The following POLR1B variants were observed in gnomAD, a reference collection of about 807,000 sequenced individuals.
POLR1B encodes DNA-directed RNA polymerase I subunit RPA2.
POLR1B carries 30 observed loss-of-function variants against 105.8 expected under a neutral mutation model. The ratio of observed to expected loss-of-function variants is 0.28; its 90% CI spans 0.21 to 0.38. The LOEUF (loss-of-function observed/expected upper bound fraction) is 0.38. Among genes scored for constraint, POLR1B ranks in the 10% least tolerant of loss-of-function variants. POLR1B has a pLI of 1.00. For synonymous variants in POLR1B, 485 were observed against 505.1 expected (o/e 0.96, Z 0.53); for missense variants, 976 against 1,435.8 (o/e 0.68, Z 5.17).
chr2:112,552,447 A>ATAC (rs1361830196), intron 6 of POLR1B, among the ~76,000 whole-genome samples, 198 bp from the exon 7 acceptor site: 2 of 152,230 alleles, frequency 1.3e-5, no homozygotes, highest in Admixed American at 6.5e-5. Context: ...AGCCAGCTCC[A>ATAC]TACTGGTGCT....
Position 112,572,894 on chromosome 2 carries a change from TTCTTAG to T in POLR1B, c.2271+140_2271+145del, listed in dbSNP as rs1404747705. 7.0e-4 allele frequency: 502 copies of T among 715,294 alleles called. 2 individuals are homozygous for T. Among genetic ancestry groups the T allele is most frequent in the Non-Finnish European group, 6.9e-5 (32 of 461,154 alleles). 44.3% of individuals were successfully genotyped at this position (715,294 alleles called of 1,614,324 possible). A position where few individuals can be genotyped will look rare whatever the true frequency, so the allele number is the denominator to read the frequency against. On this transcript the variant is annotated intron_variant, in intron 13 of 14. Coordinates refer to ENST00000263331, the MANE Select transcript of POLR1B (RefSeq NM_019014.6). ...ACGTGATGTTCTATTAAATGATTAG[TTCTTAG>T]TCTAAGTTGAAAGTGGGCAAGCCTT...
At chr2:112,555,408 G>C (rs1451174741) in intron 7 of POLR1B, among the ~76,000 whole-genome samples, 1 of 152,152 alleles carries the variant, frequency 6.6e-6, no homozygotes. Context: ...TGGGAGGCCG[G>C]GGTGGGAGGA....
chr2:112,560,662 G>A (rs6760906), intron 9 of POLR1B, among the ~76,000 whole-genome samples: 120,238 of 151,894 alleles, frequency 0.79, 47,848 homozygotes, highest in Middle Eastern at 0.88. Flanking sequence ...TAATATGTGT[G>A]CAGTAAAACT....
intron 9 of POLR1B, among the ~76,000 whole-genome samples, 190 bp downstream of exon 9, chr2:112,559,764 G>A (rs1683870714): frequency 6.6e-6 from 1 of 152,062 alleles, no homozygotes; most frequent in African/African-American, 2.4e-5. Flanking sequence ...CCGAGTAGCT[G>A]GAACTACAGG....
intron 9 of POLR1B, among the ~76,000 whole-genome samples, chr2:112,563,925 T>C (rs559881718): frequency 6.6e-6 from 1 of 151,956 alleles, no homozygotes; most frequent in Admixed American, 6.6e-5. Flanking sequence ...TTTTTTTTGC[T>C]CATCCTCTAA....
chr2:112,556,560 ATAGT>A (rs1443738501), intron 7 of POLR1B, among the ~76,000 whole-genome samples: 1 of 152,214 alleles, frequency 6.6e-6, no homozygotes, highest in Non-Finnish European at 1.5e-5. Flanking sequence ...TTCTGGAAGA[ATAGT>A]TAGGTCTTCC....
chr2:112,562,728 C>CTTT lies in POLR1B; in HGVS notation c.1613-1623_1613-1621dup, dbSNP rs70965010. 1.6e-4 allele frequency among the ~76,000 whole-genome samples: 19 copies of CTTT among 120,646 alleles called. 1 individual carries two copies. The highest frequency in any genetic ancestry group is 2.6e-4 in the South Asian group (1 of 3,776). 79.1% of individuals were successfully genotyped at this position (120,646 alleles called of 152,430 possible). On this transcript the variant is annotated intron_variant, in intron 9 of 14. Transcript: ENST00000263331. ...TGGCTTGTGACAATTTCTTTTTTTT[C>CTTT]TTTTTTTTTTTTTTTTTGCGACGGA...
chr2:112,549,618 T>C (rs1047081108), intron 4 of POLR1B, among the ~76,000 whole-genome samples: 2 of 151,782 alleles, frequency 1.3e-5, no homozygotes, highest in African/African-American at 4.8e-5. Flanking sequence ...ATTACATGCA[T>C]GAGCCACCGT....
intron 7 of POLR1B, 108 bp downstream of exon 7, chr2:112,552,924 T>C (rs1683450388): frequency 9.7e-7 from 1 of 1,034,690 alleles, no homozygotes. Context: ...AGTTTTGGCA[T>C]TTTGTGTGGT....
chr2:112,556,019 C>T (rs1683639896), intron 7 of POLR1B, among the ~76,000 whole-genome samples: 2 of 151,956 alleles, frequency 1.3e-5, no homozygotes, highest in Non-Finnish European at 2.9e-5. Context: ...AGGAAGTAGA[C>T]ATAGTTATGA....
At chr2:112,574,352 C>G (rs1024937942) in intron 14 of POLR1B, among the ~76,000 whole-genome samples, 6 of 152,086 alleles carry the variant, frequency 3.9e-5, no homozygotes, top group Non-Finnish European at 7.4e-5. Context: ...TTCAGATGAA[C>G]ATAATTCTGT....
At chr2:112,556,886 A>G (rs534005922) in intron 7 of POLR1B, among the ~76,000 whole-genome samples, 5 of 152,372 alleles carry the variant, frequency 3.3e-5, no homozygotes, top group African/African-American at 1.2e-4. Flanking sequence ...TATGTCAATA[A>G]TGTATAATGA....
At chr2:112,556,655 G>T (rs1683677811) in intron 7 of POLR1B, among the ~76,000 whole-genome samples, 1 of 152,172 alleles carries the variant, frequency 6.6e-6, no homozygotes, top group South Asian at 2.1e-4. Flanking sequence ...TCAGGGGCCT[G>T]CTGGAAAAGG....
At chr2:112,567,109 G>A (rs1341332478) in intron 10 of POLR1B, among the ~76,000 whole-genome samples, 8 of 152,046 alleles carry the variant, frequency 5.3e-5, no homozygotes, top group Non-Finnish European at 1.2e-4. Flanking sequence ...TTTCAAGCAT[G>A]CAATATAGTA....
intron 3 of POLR1B, 27 bp from the exon 4 acceptor site, chr2:112,549,240 A>G (rs200998756): frequency 1.9e-6 from 3 of 1,611,148 alleles, no homozygotes; most frequent in Non-Finnish European, 2.5e-6. Flanking sequence ...TCTTTGTTTA[A>G]CAAGTTGCAA....
chr2:112,574,760 C>A, intron 14 of POLR1B, 87 bp from the exon 15 acceptor site: 29 of 960,078 alleles, frequency 3.0e-5, no homozygotes, highest in Non-Finnish European at 4.0e-5. Flanking sequence ...TACAAATATC[C>A]TTTATGAAGC....
At position 112,568,142 on chromosome 2, in the gene POLR1B, A is replaced by C. The variant is rs371456486; in HGVS notation, c.1917+5A>C. On this transcript the variant is annotated splice_donor_5th_base_variant and intron_variant, in intron 11 of 14. Coordinates refer to ENST00000263331, the MANE Select transcript of POLR1B (RefSeq NM_019014.6). Reference sequence around the variant, plus strand: ...CTAATTGGAACTATGGAACAGGTAAATACATATGTGTGATGGATGAGTGTA... The same window carrying C: ...CTAATTGGAACTATGGAACAGGTAACTACATATGTGTGATGGATGAGTGTA... 9.9e-5 allele frequency: 159 copies of C among 1,611,198 alleles called. No homozygotes were observed. The South Asian group carries it at 1.5e-3, about 16-fold the overall frequency.
At chr2:112,558,826 T>C (rs947331547) in intron 8 of POLR1B, among the ~76,000 whole-genome samples, 3 of 151,890 alleles carry the variant, frequency 2.0e-5, no homozygotes, top group African/African-American at 7.2e-5. Flanking sequence ...GCTATGCTGC[T>C]GAGGCTGGTC....
In POLR1B at chr2:112,579,175, A is replaced by AGCAACCT. The variant is rs1219458431; in HGVS notation, c.*3448_*3454dup. On this transcript the variant is annotated 3_prime_UTR_variant, in exon 15 of 15. Coordinates refer to ENST00000263331, the MANE Select transcript of POLR1B (RefSeq NM_019014.6). ...GTGAGCCAAGATCACGCCACTGCAC[A>AGCAACCT]GCAACCTGGGCAACAGAGCAAGACT... 1.5e-5 allele frequency among the ~76,000 whole-genome samples: 2 copies of AGCAACCT among 137,276 alleles called. No individual in the cohort carries two copies. Among genetic ancestry groups the AGCAACCT allele is most frequent in the Non-Finnish European group, 3.1e-5 (2 of 64,542 alleles). The allele number at this position is 137,276 out of a possible 152,430, so 90.1% of individuals were successfully genotyped here.
Sources: gnomAD v4.1 joint callset for allele counts (sites outside exome capture counted in the v4.1 genomes callset) on GRCh38, gnomAD v4.1.1 for gene constraint, MANE v1.5 for transcripts, NCBI Gene and HGNC (gene_info 2026-07-23, HGNC 2026-07-21) for gene names.